The following PRMT5 variants were observed in gnomAD, a reference collection of about 807,000 sequenced individuals.
PRMT5 encodes the protein protein arginine methyltransferase 5, also known as protein arginine N-methyltransferase 5.
PRMT5 carries 15 observed loss-of-function variants against 84.0 expected under a neutral mutation model. The ratio of observed to expected loss-of-function variants is 0.18; its 90% CI spans 0.12 to 0.28. PRMT5 has a LOEUF of 0.28. Ranked by LOEUF, PRMT5 falls within the 10% of genes least tolerant of loss-of-function variation. The pLI is 1.00. For missense variants in PRMT5, 486 were observed against 808.0 expected (o/e 0.60, Z 4.83); for synonymous variants, 276 against 292.4 (o/e 0.94, Z 0.57).
At position 22,922,492 on chromosome 14, in the gene PRMT5, A is replaced by G; in HGVS notation, c.1647T>C (p.His549=). 6.2e-7 allele frequency: 1 copy of G among 1,614,212 alleles called. No homozygotes were observed. The highest frequency in any genetic ancestry group is 8.5e-7 in the Non-Finnish European group (1 of 1,180,020). ...CAGTCTCAAAGTAGCCGGCAAAGCC[A>G]TGTAGTACTGTGTTCACCTCCACAG... is the stretch of plus-strand genomic sequence containing the variant. ...EFPVEVNTVL[H]GFAGYFETVL... is the part of the protein sequence containing the mutation. Residue 549 remains histidine (H), a synonymous_variant, in exon 15 of 17, where the codon CAT becomes CAC. Coordinates refer to ENST00000324366, the MANE Select transcript of PRMT5 (RefSeq NM_006109.5).
Position 22,922,457 on chromosome 14 carries a change from T to C in PRMT5, c.1682A>G (p.Gln561Arg), listed in dbSNP as rs767709422. The C allele has an allele frequency of 6.8e-6, 11 of 1,612,336 alleles. No individual in the cohort carries two copies. The highest frequency in any genetic ancestry group is 9.3e-6 in the Non-Finnish European group (11 of 1,178,342). ...TAGACACTCACTCAGAGTGATGTCCTGATAAAGCACAGTCTCAAAGTAGCC... is the reference window on the plus strand; with the variant it reads ...TAGACACTCACTCAGAGTGATGTCCCGATAAAGCACAGTCTCAAAGTAGCC... ...FAGYFETVLY[Q>R]DITLSIRPET... is the part of the protein sequence containing the mutation. Residue 561 changes from glutamine (Q) to arginine (R), a missense_variant, in exon 15 of 17, where the codon CAG (glutamine) becomes CGG (arginine). By Grantham distance (43) the Gln-to-Arg change is conservative. Coordinates refer to ENST00000324366, the MANE Select transcript of PRMT5 (RefSeq NM_006109.5).
At chr14:22,921,673 A>G (rs1489571039) in intron 16 of PRMT5, among the ~76,000 whole-genome samples, 1 of 152,116 alleles carries the variant, frequency 6.6e-6, no homozygotes, top group East Asian at 1.9e-4. Flanking sequence ...TCATGAGGTC[A>G]GGAGATCGAG....
rs1248425343 is a variant in PRMT5 at position 22,928,640 on chromosome 14, C to G, written c.111-25G>C. ...CCTACAACCGCGACAGACCCAGAAT[C>G]ATGTAAAGACAGCAGCAGTGCCAGA... On this transcript the variant is annotated intron_variant, in intron 1 of 16. Coordinates refer to ENST00000324366, the MANE Select transcript of PRMT5 (RefSeq NM_006109.5). The surrounding 1 kb of genome is among the most constrained non-coding windows in gnomAD (Gnocchi z 4.8). The G allele has an allele frequency of 1.3e-6, 2 of 1,538,210 alleles. No homozygotes were observed. Among genetic ancestry groups the G allele is most frequent in the East Asian group, 4.5e-5 (2 of 44,506 alleles).
At position 22,928,051 on chromosome 14, in the gene PRMT5, T is replaced by C. The variant is rs1594522001; in HGVS notation, c.315+75A>G. On this transcript the variant is annotated intron_variant, in intron 3 of 16. Transcript: ENST00000324366. This position sits in a 1 kb window ranked among gnomAD's most constrained non-coding sequence, Gnocchi z 4.8. ...TTCTATCAGTTAATTTACCAAGTTA[T>C]TGGGGATGGGAGGGGACCACTCTCC... 7 of 1,270,016 alleles carry C rather than the reference T, an allele frequency of 5.5e-6. 1 individual carries two copies. The South Asian group carries it at 6.5e-5, about 12-fold the overall frequency. The allele number at this position is 1,270,016 out of a possible 1,614,324, so 78.7% of individuals were successfully genotyped here.
rs2044371316 is a variant in PRMT5, at chr14:22,924,413, T to A, written c.1077-21A>T. On this transcript the variant is annotated intron_variant, in intron 10 of 16. Coordinates refer to ENST00000324366, the MANE Select transcript of PRMT5 (RefSeq NM_006109.5). The surrounding 1 kb of genome is among the most constrained non-coding windows in gnomAD (Gnocchi z 6.5). ...GTACCCTAAGAAAGAAAGGGAAGAG[T>A]CAAGCAGACTTGGCATATACAGATA... 1 of 1,612,232 alleles carries A rather than the reference T, an allele frequency of 6.2e-7. No homozygotes were observed. The highest frequency in any genetic ancestry group is 1.1e-5 in the South Asian group (1 of 90,980).
intron 14 of PRMT5, 73 bp downstream of exon 14, chr14:22,922,669 G>C: frequency 6.5e-7 from 1 of 1,532,354 alleles, no homozygotes; most frequent in Non-Finnish European, 9.0e-7. Flanking sequence ...ACTAGGGACA[G>C]TAAGGGAAGA....
intron 16 of PRMT5, 88 bp downstream of exon 16, chr14:22,922,088 T>A (rs1272499748): frequency 8.5e-7 from 1 of 1,169,604 alleles, no homozygotes; most frequent in African/African-American, 1.5e-5. Flanking sequence ...TGAGTCATAG[T>A]CAACTATCTT....
At chr14:22,922,310 C>T (rs1437739964) in intron 15 of PRMT5, 70 bp from the exon 16 acceptor site, 2 of 1,441,680 alleles carry the variant, frequency 1.4e-6, no homozygotes, top group Non-Finnish European at 1.9e-6. Context: ...TGAAGAGGGT[C>T]TCTTCTCTAA....
intron 16 of PRMT5, 136 bp from the exon 17 acceptor site, chr14:22,921,192 C>G (rs554774612): frequency 3.7e-6 from 4 of 1,085,664 alleles, no homozygotes; most frequent in Non-Finnish European, 5.3e-6. Context: ...TGAAGCCTAT[C>G]AGAACACAAA....
rs1043507008 is a variant in PRMT5 at position 22,924,835 on chromosome 14, A to G, written c.939+44T>C. The G allele has an allele frequency of 6.2e-7, 1 of 1,601,912 alleles. No homozygotes were observed. The highest frequency in any genetic ancestry group is 8.5e-7 in the Non-Finnish European group (1 of 1,172,580). On this transcript the variant is annotated intron_variant, in intron 8 of 16. Coordinates refer to ENST00000324366, the MANE Select transcript of PRMT5 (RefSeq NM_006109.5). The surrounding 1 kb of genome is among the most constrained non-coding windows in gnomAD (Gnocchi z 6.5). ...TTGGAGGCATATATTCTCAAGAAAC[A>G]TTTTCCATCCCACCTTCCTCCTCTA...
At position 22,921,074 on chromosome 14, in the gene PRMT5, G is replaced by C; in HGVS notation, c.1762-18C>G. 6.2e-7 allele frequency: 1 copy of C among 1,613,596 alleles called. No homozygotes were observed. The highest frequency in any genetic ancestry group is 8.5e-7 in the Non-Finnish European group (1 of 1,179,988). On this transcript the variant is annotated intron_variant, in intron 16 of 16. Coordinates refer to ENST00000324366, the MANE Select transcript of PRMT5 (RefSeq NM_006109.5). Reference sequence around the variant, plus strand: ...ATGGGCTGCTGTAAGAAGAAAGACAGGAAGGTTCAGGGTGAAGCTATGAAT... The same window carrying C: ...ATGGGCTGCTGTAAGAAGAAAGACACGAAGGTTCAGGGTGAAGCTATGAAT...
rs778797610 is a variant in PRMT5, at chr14:22,927,677, G to A, written c.316-17C>T. 17 of 1,594,290 alleles carry A rather than the reference G, an allele frequency of 1.1e-5. No individual in the cohort carries two copies. Among genetic ancestry groups the A allele is most frequent in the Non-Finnish European group, 1.4e-5 (16 of 1,168,568 alleles). On this transcript the variant is annotated splice_polypyrimidine_tract_variant and intron_variant, in intron 3 of 16. Coordinates refer to ENST00000324366, the MANE Select transcript of PRMT5 (RefSeq NM_006109.5). ...TAACATGGCCTGGAACGGAGATGAAGAGGAAAAGTTTGAGCTAACAAGCAA... is the reference window on the plus strand; with the variant it reads ...TAACATGGCCTGGAACGGAGATGAAAAGGAAAAGTTTGAGCTAACAAGCAA...
intron 7 of PRMT5, 139 bp from the exon 8 acceptor site, chr14:22,925,179 G>A (rs2044391842): frequency 1.1e-6 from 1 of 938,830 alleles, no homozygotes; most frequent in African/African-American, 1.7e-5. Context: ...AAAAAAAGAT[G>A]GAGTCTCGCT....
In PRMT5 at chr14:22,928,955, T is replaced by C. The variant is rs918429524; in HGVS notation, c.110+297A>G. On this transcript the variant is annotated intron_variant, in intron 1 of 16. Transcript: ENST00000324366. This position sits in a 1 kb window ranked among gnomAD's most constrained non-coding sequence, Gnocchi z 4.8. The stretch of plus-strand genomic sequence containing the variant: ...GCCTCCCCCGTCAAAATTAGCCTCT[T>C]CTCTCCCTTGCCCCCTAACACCTCC... The C allele has an allele frequency of 1.4e-5, 9 of 635,870 alleles. No individual in the cohort carries two copies. Among genetic ancestry groups the C allele is most frequent in the Non-Finnish European group, 2.2e-5 (8 of 370,480 alleles). 39.4% of individuals were successfully genotyped at this position (635,870 alleles called of 1,614,324 possible). A position where few individuals can be genotyped will look rare whatever the true frequency, so the allele number is the denominator to read the frequency against.
At position 22,920,621 on chromosome 14, in the gene PRMT5, A is replaced by G. The variant is rs763280146; in HGVS notation, c.*283T>C. 6 of 647,852 alleles carry G rather than the reference A, an allele frequency of 9.3e-6. No homozygotes were observed. The highest frequency in any genetic ancestry group is 1.5e-5 in the South Asian group (1 of 65,922). 40.1% of individuals were successfully genotyped at this position (647,852 alleles called of 1,614,324 possible). On this transcript the variant is annotated 3_prime_UTR_variant, in exon 17 of 17. Transcript: ENST00000324366. ...AAGGCTGAAAATCCGTTCAAACCCCATGTTCTCAGGGATATTCCAGGGAGT... is the reference window on the plus strand; with the variant it reads ...AAGGCTGAAAATCCGTTCAAACCCCGTGTTCTCAGGGATATTCCAGGGAGT...
intron 1 of PRMT5, 84 bp downstream of exon 1, chr14:22,929,168 C>T: frequency 6.2e-7 from 1 of 1,614,134 alleles, no homozygotes; most frequent in South Asian, 1.1e-5. Flanking sequence ...CCCCCTCACC[C>T]CTGCTTCTCC....
intron 4 of PRMT5, among the ~76,000 whole-genome samples, chr14:22,927,085 T>G (rs960672084): frequency 1.6e-5 from 2 of 127,778 alleles, no homozygotes; most frequent in Admixed American, 7.7e-5. Context: ...AATACTGACC[T>G]TTTTTTTTTT....
rs1306042520 is a variant in PRMT5 at position 22,922,793 on chromosome 14, G to A, written c.1528C>T (p.His510Tyr). Reference protein sequence around the residue: ...MPYVVRLHNFHQLSAPQPCFT... With the variant: ...MPYVVRLHNFYQLSAPQPCFT... ...CAGGGCTGGGGTGCAGAGAGCTGGT[G>A]GAAGTTGTGCAGCCGTACCACATAA... Residue 510 changes from histidine (H) to tyrosine (Y), a missense_variant, in exon 14 of 17, where the codon CAC becomes TAC. Around this residue, in one of 4 missense-constraint regions of PRMT5, gnomAD observed 219 missense variants for 433.6 expected, o/e 0.51. Transcript: ENST00000324366. 1.9e-6 allele frequency: 3 copies of A among 1,613,954 alleles called. No homozygotes were observed. Among genetic ancestry groups the A allele is most frequent in the Non-Finnish European group, 2.5e-6 (3 of 1,179,972 alleles).
chr14:22,929,184 G>A (rs1172029092), intron 1 of PRMT5, 68 bp downstream of exon 1: 1 of 1,614,018 alleles, frequency 6.2e-7, no homozygotes, highest in Non-Finnish European at 8.5e-7. Context: ...TCTCCGGGAT[G>A]ACTAGTCTGC....
Sources: allele counts gnomAD v4.1 joint callset (sites outside exome capture counted in the v4.1 genomes callset), GRCh38; gene constraint gnomAD v4.1.1; regional missense constraint gnomAD v4.1.1; non-coding constraint Gnocchi (gnomAD v3.1); transcripts MANE v1.5; gene names NCBI Gene and HGNC (gene_info 2026-07-23, HGNC 2026-07-21).